The following ZNF541 variants were observed in gnomAD, a reference collection of about 807,000 sequenced individuals.
ZNF541 encodes zinc finger protein 541.
Under a neutral mutation model 123.5 loss-of-function variants are expected in ZNF541, and 23 were observed. That is an observed-to-expected ratio of 0.19 (90% CI 0.13 to 0.26). ZNF541 has a LOEUF of 0.26. Ranked by LOEUF, ZNF541 falls within the 10% of genes least tolerant of loss-of-function variation. The pLI is 1.00. For missense variants in ZNF541, 1,612 were observed against 1,789.9 expected, an observed-to-expected ratio of 0.90 and a Z score of 1.79; for synonymous variants, 751 against 754.5, an observed-to-expected ratio of 1.00 and a Z score of 0.08.
chr19:47,544,264 G>T lies in ZNF541; in HGVS notation c.2265C>A (p.Ser755=), dbSNP rs762229822. ...TCTTCGCCTTCTCTTTCCGGAAGCCGGAGAATCGCGGGGCCCTGGGGTTGC... is the reference window on the plus strand; with the variant it reads ...TCTTCGCCTTCTCTTTCCGGAAGCCTGAGAATCGCGGGGCCCTGGGGTTGC... ...LLGNPRAPRF[S]GFRKEKAKMD... is the part of the protein sequence containing the mutation. The change falls in exon 5 of 17, where the codon TCC becomes TCA. Residue 755 remains serine, a synonymous_variant. Coordinates refer to ENST00000391901, the MANE Select transcript of ZNF541 (RefSeq NM_001277075.3). 1 of 1,551,596 alleles carries T rather than the reference G, an allele frequency of 6.4e-7. No individual in the cohort carries two copies. The highest frequency in any genetic ancestry group is 8.7e-7 in the Non-Finnish European group (1 of 1,147,018).
intron 5 of ZNF541, among the ~76,000 whole-genome samples, chr19:47,543,864 G>C (rs1054144498): frequency 1.3e-5 from 2 of 151,876 alleles, no homozygotes; most frequent in Admixed American, 6.6e-5. Flanking sequence ...GGCTGATCTC[G>C]AACTCCTGAG....
chr19:47,542,502 A>C (rs1489437348), intron 5 of ZNF541, among the ~76,000 whole-genome samples: 1 of 152,046 alleles, frequency 6.6e-6, no homozygotes, highest in East Asian at 1.9e-4. Flanking sequence ...AAATACAAAA[A>C]TTAGCTGGGC....
chr19:47,530,659 T>C (rs1341577932), intron 12 of ZNF541, among the ~76,000 whole-genome samples: 1 of 152,088 alleles, frequency 6.6e-6, no homozygotes, highest in Non-Finnish European at 1.5e-5. Flanking sequence ...TTTTTTTTTC[T>C]TTTTTGAGAC....
intron 4 of ZNF541, among the ~76,000 whole-genome samples, chr19:47,547,096 A>C (rs1402824983): frequency 6.6e-6 from 1 of 152,170 alleles, no homozygotes; most frequent in Non-Finnish European, 1.5e-5. Flanking sequence ...ATTTGCCCAG[A>C]GAACTGTTTT....
At position 47,544,542 on chromosome 19, in the gene ZNF541, G is replaced by A; in HGVS notation, c.1987C>T (p.Pro663Ser). The A allele has an allele frequency of 6.4e-7, 1 of 1,551,604 alleles. No individual in the cohort carries two copies. The highest frequency in any genetic ancestry group is 8.7e-7 in the Non-Finnish European group (1 of 1,146,982). The part of the protein sequence containing the change: ...VAAVPTPLAA[P>S]SLDPSRNPDI... Reference sequence around the variant, plus strand: ...GGATTCCTGGAAGGGTCCAGAGACGGTGCTGCAAGGGGCGTTGGAACCGCG... The same window carrying A: ...GGATTCCTGGAAGGGTCCAGAGACGATGCTGCAAGGGGCGTTGGAACCGCG... Residue 663 changes from proline to serine, a missense_variant, in exon 5 of 17, where the codon CCG becomes TCG. By Grantham distance (74) the Pro-to-Ser change is moderately conservative (BLOSUM62 -1). Transcript: ENST00000391901.
At chr19:47,569,552 C>A (rs1971398964) in intron 2 of ZNF541, among the ~76,000 whole-genome samples, 1 of 152,024 alleles carries the variant, frequency 6.6e-6, no homozygotes, top group African/African-American at 2.4e-5. Flanking sequence ...TGCCTACATT[C>A]TTAAGTAGAA....
Position 47,549,504 on chromosome 19 carries a change from C to T in ZNF541, c.308-19G>A. 2 of 1,551,658 alleles carry T rather than the reference C, an allele frequency of 1.3e-6. No individual in the cohort carries two copies. Among genetic ancestry groups the T allele is most frequent in the Non-Finnish European group, 1.7e-6 (2 of 1,147,012 alleles). Reference sequence around the variant, plus strand: ...CCCAGGTCTAAACAGAGGGAGAAAGCACAGGTTATACACAGCCAAGGCAAC... The same window carrying T: ...CCCAGGTCTAAACAGAGGGAGAAAGTACAGGTTATACACAGCCAAGGCAAC... On this transcript the variant is annotated intron_variant, in intron 3 of 16. Coordinates refer to ENST00000391901, the MANE Select transcript of ZNF541 (RefSeq NM_001277075.3).
intron 2 of ZNF541, among the ~76,000 whole-genome samples, chr19:47,556,163 T>C (rs1372079719): frequency 1.3e-5 from 2 of 152,200 alleles, no homozygotes; most frequent in East Asian, 3.8e-4. Context: ...CACAAGGTTG[T>C]TGTAACAAAT....
chr19:47,572,778 G>A (rs911083404), intron 1 of ZNF541, among the ~76,000 whole-genome samples: 2 of 151,460 alleles, frequency 1.3e-5, no homozygotes, highest in Non-Finnish European at 2.9e-5. Context: ...GGGACGGAGT[G>A]GGAAAGAAAA....
At position 47,521,203 on chromosome 19, in the gene ZNF541, T is replaced by C. The variant is rs983910323; in HGVS notation, c.*21A>G. 5.7e-5 allele frequency: 88 copies of C among 1,548,852 alleles called. No homozygotes were observed. The highest frequency in any genetic ancestry group is 7.4e-5 in the Non-Finnish European group (85 of 1,145,476). ...GGAGGGGCAGCACTGGAGGCCCCAT[T>C]CGGACTTGCTGCCACGGGAGTCACC... On this transcript the variant is annotated 3_prime_UTR_variant, in exon 17 of 17. Coordinates refer to ENST00000391901, the MANE Select transcript of ZNF541 (RefSeq NM_001277075.3). This position sits in a 1 kb window ranked among gnomAD's most constrained non-coding sequence, Gnocchi z 4.2.
rs189561453 is a variant in ZNF541, at chr19:47,561,277, A to T, written c.-98-5323T>A. ...TCAGACCCTGTCTCTATGAAAAAAA[A>T]TTTTTTTTTAATTAGCTGGGCATGG... On this transcript the variant is annotated intron_variant, in intron 2 of 16. Coordinates refer to ENST00000391901, the MANE Select transcript of ZNF541 (RefSeq NM_001277075.3). Among the ~76,000 whole-genome samples, 34 of 151,468 alleles carry T rather than the reference A, an allele frequency of 2.2e-4. 1 individual carries two copies. Among genetic ancestry groups the T allele is most frequent in the African/African-American group, 4.4e-4 (18 of 41,258 alleles).
chr19:47,552,873 G>A (rs1245453149), intron 3 of ZNF541, among the ~76,000 whole-genome samples: 2 of 151,714 alleles, frequency 1.3e-5, no homozygotes, highest in Non-Finnish European at 2.9e-5. Flanking sequence ...CACTTTGGGA[G>A]GCCGAGGAGG....
Position 47,521,432 on chromosome 19 carries a change from G to T in ZNF541, c.3887+47C>A, listed in dbSNP as rs1214053225. The stretch of plus-strand genomic sequence containing the variant: ...GAGCAGGGAGGAAGGGATCACAGGG[G>T]CTGAGGCTGGGAGCCCTGGGAGTGT... On this transcript the variant is annotated intron_variant, in intron 16 of 16. Transcript: ENST00000391901. This position sits in a 1 kb window ranked among gnomAD's most constrained non-coding sequence, Gnocchi z 4.2. 1.9e-6 allele frequency: 3 copies of T among 1,550,530 alleles called. No homozygotes were observed. The highest frequency in any genetic ancestry group is 2.6e-6 in the Non-Finnish European group (3 of 1,146,064).
rs144162502 is a variant in ZNF541 at position 47,554,042 on chromosome 19, G to A, written c.307+1508C>T. ...CAGTATGAAGGTCTACCTTCAATAT[G>A]AAAGCAAATACACCAACTCTTACAA... is the stretch of plus-strand genomic sequence containing the variant. On this transcript the variant is annotated intron_variant, in intron 3 of 16. Transcript: ENST00000391901. 4.6e-3 allele frequency among the ~76,000 whole-genome samples: 708 copies of A among 152,264 alleles called. 7 individuals carry two copies. The highest frequency in any genetic ancestry group is 0.016 in the African/African-American group (683 of 41,538).
At position 47,538,212 on chromosome 19, in the gene ZNF541, C is replaced by T; in HGVS notation, c.3024G>A (p.Gly1008=). The change falls in exon 9 of 17, where the codon GGG becomes GGA. Residue 1008 remains glycine, a synonymous_variant. Coordinates refer to ENST00000391901, the MANE Select transcript of ZNF541 (RefSeq NM_001277075.3). ...PMLSPIREGS[G]VYFNTLCSTS... is the part of the protein sequence containing the mutation. ...TGGAACAGAGGGTGTTGAAGTACAC[C>T]CCAGAGCCCTCCCGGATGGGGCTGA... The T allele has an allele frequency of 3.9e-6, 6 of 1,551,576 alleles. No individual in the cohort carries two copies. The highest frequency in any genetic ancestry group is 5.2e-6 in the Non-Finnish European group (6 of 1,146,974).
At chr19:47,572,594 A>G (rs1409501568) in intron 1 of ZNF541, among the ~76,000 whole-genome samples, 1 of 151,914 alleles carries the variant, frequency 6.6e-6, no homozygotes, top group Non-Finnish European at 1.5e-5. Context: ...AAGATCCTAA[A>G]AAGGGATAAA....
chr19:47,551,241 T>A (rs560211517), intron 3 of ZNF541, among the ~76,000 whole-genome samples: 1 of 152,066 alleles, frequency 6.6e-6, no homozygotes, highest in Non-Finnish European at 1.5e-5. Flanking sequence ...GGTTTCACCA[T>A]GTTGGCCAGG....
chr19:47,550,723 T>G (rs1970563729), intron 3 of ZNF541, among the ~76,000 whole-genome samples: 1 of 152,204 alleles, frequency 6.6e-6, no homozygotes. Flanking sequence ...CACAGCTCAT[T>G]GCAGTCTCTA....
chr19:47,543,661 G>A (rs1164169994), intron 5 of ZNF541, among the ~76,000 whole-genome samples: 1 of 145,568 alleles, frequency 6.9e-6, no homozygotes, highest in Admixed American at 6.9e-5. Context: ...TTTTTTTTAA[G>A]ACAGGGTCTT....
Sources: gnomAD v4.1 joint callset for allele counts (sites outside exome capture counted in the v4.1 genomes callset) on GRCh38, gnomAD v4.1.1 for gene constraint, Gnocchi (gnomAD v3.1) non-coding constraint, MANE v1.5 for transcripts, NCBI Gene and HGNC (gene_info 2026-07-23, HGNC 2026-07-21) for gene names.